ICA1: variants seen among roughly 807,000 people sequenced by gnomAD.
ICA1 encodes the protein 69 kDa islet cell autoantigen.
A neutral mutation model predicts 71.0 loss-of-function variants in ICA1; 40 were observed. The observed-to-expected ratio is 0.56, with a 90% CI of 0.44 to 0.73. ICA1 has a LOEUF of 0.73. Among genes scored for constraint, ICA1 ranks in the 30% least tolerant of loss-of-function variants. The pLI is 0.00. For synonymous variants in ICA1, 207 were observed against 209.5 expected (o/e 0.99, Z 0.10); for missense variants, 578 against 576.5 (o/e 1.00, Z -0.03).
chr7:8,179,608 T>C (rs943358712), intron 6 of ICA1, among the ~76,000 whole-genome samples: 1 of 152,172 alleles, frequency 6.6e-6, no homozygotes, highest in African/African-American at 2.4e-5. Flanking sequence ...TGCTAGAAAA[T>C]TCTTCAGTGT....
intron 6 of ICA1, among the ~76,000 whole-genome samples, chr7:8,196,826 C>A (rs934098269): frequency 1.3e-5 from 2 of 152,054 alleles, no homozygotes; most frequent in Non-Finnish European, 2.9e-5. Flanking sequence ...AAATGAATCA[C>A]GGCAGTTCCC....
chr7:8,190,004 G>A (rs925805108), intron 6 of ICA1, among the ~76,000 whole-genome samples: 5 of 152,214 alleles, frequency 3.3e-5, no homozygotes, highest in African/African-American at 9.6e-5. Flanking sequence ...ACGGGCTCAG[G>A]AGGCCTGGTG....
chr7:8,201,181 T>C (rs924231612), intron 6 of ICA1, among the ~76,000 whole-genome samples: 8 of 152,226 alleles, frequency 5.3e-5, no homozygotes. Flanking sequence ...GCTGTGCCTC[T>C]GGATTGTTGC....
intron 13 of ICA1, among the ~76,000 whole-genome samples, chr7:8,121,528 C>T (rs1205918406): frequency 6.6e-6 from 1 of 152,074 alleles, no homozygotes; most frequent in East Asian, 1.9e-4. Context: ...TGTTCTTACT[C>T]ATTTGCGGGA....
intron 6 of ICA1, among the ~76,000 whole-genome samples, chr7:8,164,358 G>A (rs1283945921): frequency 6.8e-6 from 1 of 147,366 alleles, no homozygotes; most frequent in African/African-American, 2.5e-5. Context: ...GAGGAAAGAT[G>A]TTAGTAGTTT....
chr7:8,175,911 CCCTT>C (rs1780473558), intron 6 of ICA1, among the ~76,000 whole-genome samples: 1 of 152,190 alleles, frequency 6.6e-6, no homozygotes, highest in Non-Finnish European at 1.5e-5. Flanking sequence ...CTGTGATTCT[CCCTT>C]GTTTATCCCC....
At chr7:8,131,568 T>A (rs1791453931) in intron 12 of ICA1, among the ~76,000 whole-genome samples, 1 of 152,224 alleles carries the variant, frequency 6.6e-6, no homozygotes, top group African/African-American at 2.4e-5. Flanking sequence ...AGTGCACATT[T>A]TCTCTTTTAA....
intron 1 of ICA1, among the ~76,000 whole-genome samples, chr7:8,246,202 C>T (rs947910622): frequency 2.0e-5 from 3 of 152,136 alleles, no homozygotes; most frequent in Non-Finnish European, 4.4e-5. Flanking sequence ...GGACTGTGAG[C>T]GCCAAGATAT....
At position 8,222,434 on chromosome 7, in the gene ICA1, C is replaced by G. The variant is rs2128427609; in HGVS notation, c.257-1036G>C. 6.6e-6 allele frequency among the ~76,000 whole-genome samples: 1 copy of G among 152,148 alleles called. No individual in the cohort carries two copies. Among genetic ancestry groups the G allele is most frequent in the African/African-American group, 2.4e-5 (1 of 41,542 alleles). On this transcript the variant is annotated intron_variant, in intron 4 of 13. Transcript: ENST00000402384. The surrounding 1 kb of genome is among the most constrained non-coding windows in gnomAD (Gnocchi z 4.8). ...TTTCTGTATTGATGTATTTACATAC[C>G]CTGTGTCTCTAAAACTGCTTTCTAA...
chr7:8,178,872 T>C (rs1382891669), intron 6 of ICA1, among the ~76,000 whole-genome samples: 1 of 152,190 alleles, frequency 6.6e-6, no homozygotes, highest in East Asian at 1.9e-4. Context: ...TTCAGCGTTT[T>C]AGCATGATGA....
intron 6 of ICA1, among the ~76,000 whole-genome samples, chr7:8,194,339 T>A (rs988880139): frequency 9.9e-5 from 15 of 152,154 alleles, no homozygotes; most frequent in Admixed American, 7.2e-4. Context: ...CAGCCAAAAA[T>A]AAATTACTTT....
chr7:8,175,274 T>G (rs937854056), intron 6 of ICA1, among the ~76,000 whole-genome samples: 2 of 152,150 alleles, frequency 1.3e-5, no homozygotes, highest in African/African-American at 4.8e-5. Flanking sequence ...GGGAAGAATC[T>G]GTATGTTTAA....
At chr7:8,251,012 C>CA (rs1807993384) in intron 1 of ICA1, among the ~76,000 whole-genome samples, 1 of 152,014 alleles carries the variant, frequency 6.6e-6, no homozygotes, top group Non-Finnish European at 1.5e-5. Context: ...TGATCCCCCC[C>CA]ACCTCAGCCT....
At chr7:8,118,327 A>G (rs753639767) in intron 13 of ICA1, among the ~76,000 whole-genome samples, 4 of 152,256 alleles carry the variant, frequency 2.6e-5, no homozygotes, top group Non-Finnish European at 5.9e-5. Flanking sequence ...GTGTTTGAAC[A>G]TATACATAAC....
rs928422044 is a variant in ICA1, at chr7:8,130,302, C to T, written c.1061-2160G>A. Among the ~76,000 whole-genome samples the T allele has an allele frequency of 3.3e-5, 5 of 152,206 alleles. No individual in the cohort carries two copies. Among genetic ancestry groups the T allele is most frequent in the South Asian group, 2.1e-4 (1 of 4,822 alleles). ...ACCACTTGAGCCTGCACATGGTGGG[C>T]GAGGCAGGACTGTAAGGTCAGGCAG... On this transcript the variant is annotated intron_variant, in intron 12 of 13. Transcript: ENST00000402384. This position sits in a 1 kb window ranked among gnomAD's most constrained non-coding sequence, Gnocchi z 4.2.
intron 1 of ICA1, among the ~76,000 whole-genome samples, chr7:8,249,539 C>T (rs186457334): frequency 5.6e-4 from 85 of 152,254 alleles, no homozygotes; most frequent in African/African-American, 1.9e-3. Context: ...ATGTTTTGTC[C>T]TGCCTTTGTT....
intron 8 of ICA1, among the ~76,000 whole-genome samples, chr7:8,156,309 T>C (rs889199158): frequency 2.6e-5 from 4 of 152,246 alleles, no homozygotes; most frequent in African/African-American, 9.6e-5. Flanking sequence ...CACATACAAA[T>C]TGCTTGAACG....
chr7:8,213,672 G>C (rs1794544356), intron 6 of ICA1, among the ~76,000 whole-genome samples: 1 of 152,090 alleles, frequency 6.6e-6, no homozygotes, highest in Non-Finnish European at 1.5e-5. Flanking sequence ...ATTAACCCAA[G>C]TCTTTGTTCA....
chr7:8,152,554 CCACCACCA>C (rs1438364618), intron 8 of ICA1, among the ~76,000 whole-genome samples: 1 of 134,312 alleles, frequency 7.4e-6, no homozygotes, highest in African/African-American at 3.2e-5. Context: ...ATCACCACCT[CCACCACCA>C]CCACCACCAC....
Sources: gnomAD v4.1 joint callset for allele counts (sites outside exome capture counted in the v4.1 genomes callset) on GRCh38, gnomAD v4.1.1 for gene constraint, Gnocchi (gnomAD v3.1) non-coding constraint, MANE v1.5 for transcripts, NCBI Gene and HGNC (gene_info 2026-07-23, HGNC 2026-07-21) for gene names.